Variants in FAR2 observed in about 807,000 individuals in gnomAD.
FAR2 encodes epididymis secretory protein Li 81.
Under a neutral mutation model 56.0 loss-of-function variants are expected in FAR2, and 19 were observed. The observed-to-expected ratio is 0.34, with a 90% CI of 0.24 to 0.50. FAR2 has a LOEUF of 0.50. Ranked by LOEUF, FAR2 falls within the 20% of genes least tolerant of loss-of-function variation. The probability of loss-of-function intolerance (pLI) is 0.98; values close to 1 mark genes in which losing one functional copy is unlikely to be tolerated. For synonymous variants in FAR2, 219 were observed against 218.8 expected (o/e 1.00, Z -0.01); for missense variants, 508 against 642.2 (o/e 0.79, Z 2.26).
chr12:29,254,907 T>C (rs553961616), intron 1 of FAR2, among the ~76,000 whole-genome samples: 1 of 150,320 alleles, frequency 6.7e-6, no homozygotes, highest in African/African-American at 2.4e-5. Flanking sequence ...GAGTAGAGAT[T>C]GCACCACTGC....
At chr12:29,251,293 C>T (rs182929411) in intron 1 of FAR2, among the ~76,000 whole-genome samples, 2 of 152,116 alleles carry the variant, frequency 1.3e-5, no homozygotes, top group Non-Finnish European at 2.9e-5. Flanking sequence ...TGAGGAAGGA[C>T]CCTGATACAC....
chr12:29,178,105 C>T (rs909171524), intron 1 of FAR2, among the ~76,000 whole-genome samples: 1 of 151,878 alleles, frequency 6.6e-6, no homozygotes, highest in African/African-American at 2.4e-5. Flanking sequence ...TGATTTTCAT[C>T]TGGTGGTCAC....
chr12:29,311,666 T>TCACACACACACACACACACACA (rs61236613), intron 7 of FAR2, among the ~76,000 whole-genome samples: 2 of 147,426 alleles, frequency 1.4e-5, no homozygotes, highest in African/African-American at 5.0e-5. Flanking sequence ...AACATCTCTT[T>TCACACACACACACACACACACA]CACACACACA....
chr12:29,158,213 T>C (rs1453990615), intron 1 of FAR2, among the ~76,000 whole-genome samples: 1 of 152,214 alleles, frequency 6.6e-6, no homozygotes, highest in East Asian at 1.9e-4. Context: ...TTTCTCTATT[T>C]CACTGTAACT....
intron 1 of FAR2, among the ~76,000 whole-genome samples, chr12:29,210,155 A>G (rs1947526991): frequency 6.6e-6 from 1 of 152,192 alleles, no homozygotes; most frequent in Non-Finnish European, 1.5e-5. Flanking sequence ...CTACAGAGCT[A>G]GGATCATGCC....
intron 1 of FAR2, among the ~76,000 whole-genome samples, chr12:29,227,673 A>AT (rs1263345020): frequency 6.6e-6 from 1 of 152,164 alleles, no homozygotes; most frequent in African/African-American, 2.4e-5. Flanking sequence ...TAATCAATCA[A>AT]TTTTTCAAGA....
At chr12:29,219,081 G>C (rs942741881) in intron 1 of FAR2, among the ~76,000 whole-genome samples, 1 of 151,964 alleles carries the variant, frequency 6.6e-6, no homozygotes, top group Non-Finnish European at 1.5e-5. Flanking sequence ...TACAGACAGG[G>C]TTTTACCATG....
chr12:29,196,632 T>C (rs1376866470), intron 1 of FAR2, among the ~76,000 whole-genome samples: 1 of 152,130 alleles, frequency 6.6e-6, no homozygotes, highest in Admixed American at 6.5e-5. Context: ...ATTAAAGACC[T>C]ACATGTAAGA....
intron 1 of FAR2, among the ~76,000 whole-genome samples, chr12:29,210,120 A>G (rs144415271): frequency 6.6e-6 from 1 of 152,250 alleles, no homozygotes; most frequent in East Asian, 1.9e-4. Flanking sequence ...AAGTGGGAAG[A>G]TCAATTGAGC....
At chr12:29,240,728 G>C (rs1340103509) in intron 1 of FAR2, among the ~76,000 whole-genome samples, 2 of 152,046 alleles carry the variant, frequency 1.3e-5, no homozygotes, top group Non-Finnish European at 2.9e-5. Context: ...CAGGCACAAG[G>C]TATACATCTT....
Position 29,309,226 on chromosome 12 carries a change from T to C in FAR2, c.764T>C (p.Ile255Thr). 1 of 1,598,144 alleles carries C rather than the reference T, an allele frequency of 6.3e-7. No individual in the cohort carries two copies. Among genetic ancestry groups the C allele is most frequent in the Non-Finnish European group, 8.6e-7 (1 of 1,167,476 alleles). Residue 255 changes from isoleucine to threonine, a missense_variant, in exon 6 of 12, where the codon ATT (isoleucine) becomes ACT (threonine). Physicochemically the swap from Ile to Thr is moderately conservative, Grantham distance 89 (BLOSUM62 -1). Transcript: ENST00000536681. ...DNINGPNGII[I>T]ATGKGFLRAI... The stretch of plus-strand genomic sequence containing the variant: ...ATAAATGGACCTAATGGAATCATTA[T>C]TGCGGTATGTATAATGATGAAGAAA...
At chr12:29,217,547 A>C (rs750771576) in intron 1 of FAR2, among the ~76,000 whole-genome samples, 3 of 152,220 alleles carry the variant, frequency 2.0e-5, no homozygotes, top group Non-Finnish European at 4.4e-5. Flanking sequence ...AAAGCCTATA[A>C]TACACACAGG....
chr12:29,251,067 A>G (rs886763083), intron 1 of FAR2, among the ~76,000 whole-genome samples: 3 of 152,216 alleles, frequency 2.0e-5, no homozygotes. Context: ...GACCTGTGGC[A>G]TTGGCTAGTT....
chr12:29,290,766 G>C (rs566348001), intron 2 of FAR2, among the ~76,000 whole-genome samples: 1 of 152,270 alleles, frequency 6.6e-6, no homozygotes, highest in East Asian at 1.9e-4. Flanking sequence ...GACAAACATT[G>C]CATGTTTTCA....
rs140390003 is a variant in FAR2 at position 29,322,716 on chromosome 12, GA to G, written c.1257+795del. Among the ~76,000 whole-genome samples, 1,377 of 152,212 alleles carry G rather than the reference GA, an allele frequency of 9.0e-3. 14 individuals are homozygous for G. The highest frequency in any genetic ancestry group is 0.019 in the Admixed American group (293 of 15,294). Reference sequence around the variant, plus strand: ...CATATTGATTGACATTTCCCACTAAGAAACAATTTTCTAAAATGTATCTTTT... The same window carrying G: ...CATATTGATTGACATTTCCCACTAAGAACAATTTTCTAAAATGTATCTTTT... On this transcript the variant is annotated intron_variant, in intron 10 of 11. Coordinates refer to ENST00000536681, the MANE Select transcript of FAR2 (RefSeq NM_001271783.2).
At chr12:29,212,096 T>C (rs1470493223) in intron 1 of FAR2, among the ~76,000 whole-genome samples, 1 of 151,512 alleles carries the variant, frequency 6.6e-6, no homozygotes, top group Non-Finnish European at 1.5e-5. Flanking sequence ...AAAGACAAAT[T>C]CTCAAAGTAC....
intron 10 of FAR2, among the ~76,000 whole-genome samples, chr12:29,322,202 C>T (rs75360719): frequency 1.3e-5 from 2 of 152,320 alleles, no homozygotes; most frequent in East Asian, 3.9e-4. Flanking sequence ...TTTTGTCACT[C>T]CTTGATAGTT....
intron 11 of FAR2, 64 bp from the exon 12 acceptor site, chr12:29,333,568 T>G: frequency 8.5e-6 from 12 of 1,418,404 alleles, no homozygotes; most frequent in Non-Finnish European, 1.1e-5. Context: ...CACATATTTA[T>G]CTTCAGATAA....
chr12:29,301,667 T>A lies in FAR2; in HGVS notation c.545+4467T>A, dbSNP rs147367277. ...TATTTATTGCTCTATTGAGCATATG[T>A]AAATAAATCTGAATTAAGAAGGGAA... On this transcript the variant is annotated intron_variant, in intron 4 of 11. Transcript: ENST00000536681. The A allele has an allele frequency of 6.4e-3, 969 of 152,312 alleles. 10 individuals are homozygous for A. The highest frequency in any genetic ancestry group is 0.022 in the African/African-American group (916 of 41,572). 9.4% of individuals were successfully genotyped at this position (152,312 alleles called of 1,614,324 possible).
Sources: gnomAD v4.1 joint callset for allele counts (sites outside exome capture counted in the v4.1 genomes callset) on GRCh38, gnomAD v4.1.1 for gene constraint, MANE v1.5 for transcripts, NCBI Gene and HGNC (gene_info 2026-07-23, HGNC 2026-07-21) for gene names.